PLCB1: variants seen among roughly 807,000 people sequenced by gnomAD.
PLCB1 encodes the protein 1-phosphatidylinositol 4,5-bisphosphate phosphodiesterase beta-1.
In PLCB1, 46 loss-of-function variants were observed where a neutral mutation model predicts 161.8. That is an observed-to-expected ratio of 0.28 (90% CI 0.22 to 0.36). The LOEUF is 0.36. PLCB1 is among the 10% of genes least tolerant of loss of function. PLCB1 has a pLI of 1.00. For synonymous variants in PLCB1, 517 were observed against 503.7 expected (o/e 1.03, Z -0.35); for missense variants, 1,016 against 1,472.5 (o/e 0.69, Z 5.07).
At chr20:8,708,851 G>T in intron 12 of PLCB1, 99 bp downstream of exon 12, 1 of 712,056 alleles carries the variant, frequency 1.4e-6, no homozygotes, top group Non-Finnish European at 2.5e-6. Flanking sequence ...GATTAATGGT[G>T]TTCTTCAATC....
At chr20:8,682,261 G>C (rs144434470) in intron 9 of PLCB1, among the ~76,000 whole-genome samples, 89 of 152,304 alleles carry the variant, frequency 5.8e-4, no homozygotes, top group African/African-American at 2.1e-3. Flanking sequence ...AGGACTTTGG[G>C]AGGCTGTGGT....
chr20:8,836,742 T>C (rs1486201222), intron 31 of PLCB1, among the ~76,000 whole-genome samples: 1 of 152,160 alleles, frequency 6.6e-6, no homozygotes, highest in Non-Finnish European at 1.5e-5. Flanking sequence ...TTGAACATGA[T>C]TGGCAAAGTA....
At chr20:8,138,905 A>ATT (rs1300635149) in intron 1 of PLCB1, among the ~76,000 whole-genome samples, 2 of 152,076 alleles carry the variant, frequency 1.3e-5, no homozygotes, top group Non-Finnish European at 2.9e-5. Context: ...GTTTGCATGT[A>ATT]CCTATTAATT....
chr20:8,773,591 G>C (rs912310112), intron 26 of PLCB1, among the ~76,000 whole-genome samples: 2 of 152,218 alleles, frequency 1.3e-5, no homozygotes, highest in Non-Finnish European at 2.9e-5. Flanking sequence ...TAAGCTTTGT[G>C]TGGAAAGTGC....
intron 9 of PLCB1, among the ~76,000 whole-genome samples, chr20:8,663,833 A>G (rs1221553299): frequency 6.6e-6 from 1 of 152,126 alleles, no homozygotes; most frequent in Non-Finnish European, 1.5e-5. Flanking sequence ...AGGAATATGC[A>G]ATGACCCCTG....
chr20:8,221,833 C>T (rs1337868373), intron 2 of PLCB1, among the ~76,000 whole-genome samples: 2 of 152,060 alleles, frequency 1.3e-5, no homozygotes, highest in East Asian at 3.9e-4. Context: ...ATTCCATAGC[C>T]CTGTACATTT....
At position 8,376,062 on chromosome 20, in the gene PLCB1, A is replaced by T. The variant is rs1388406661; in HGVS notation, c.246+4612A>T. ...TGTGGCTTCTCAAAAGCATTCTAGG[A>T]TTGCTTTTGGACACCACAGGGAGCG... On this transcript the variant is annotated intron_variant, in intron 3 of 31. Transcript: ENST00000338037. Among the ~76,000 whole-genome samples, 5 of 152,032 alleles carry T rather than the reference A, an allele frequency of 3.3e-5. No individual in the cohort carries two copies. The East Asian group carries it at 7.7e-4, about 24-fold the overall frequency.
chr20:8,185,990 C>T (rs1036818829), intron 2 of PLCB1, among the ~76,000 whole-genome samples: 1 of 152,288 alleles, frequency 6.6e-6, no homozygotes, highest in Non-Finnish European at 1.5e-5. Flanking sequence ...TTGTTTTCTA[C>T]CTCAAAACGT....
chr20:8,340,141 T>G (rs1426486408), intron 2 of PLCB1, among the ~76,000 whole-genome samples: 1 of 152,164 alleles, frequency 6.6e-6, no homozygotes, highest in Non-Finnish European at 1.5e-5. Flanking sequence ...TTGATAATTC[T>G]AGTGAAATAC....
At chr20:8,463,200 C>T (rs1231719811) in intron 3 of PLCB1, among the ~76,000 whole-genome samples, 2 of 139,040 alleles carry the variant, frequency 1.4e-5, no homozygotes, top group East Asian at 2.5e-4. Context: ...TGTGTGTGTG[C>T]TCCTGCATGC....
intron 8 of PLCB1, 63 bp from the exon 9 acceptor site, chr20:8,658,475 G>C: frequency 8.0e-7 from 1 of 1,248,624 alleles, no homozygotes; most frequent in Non-Finnish European, 1.1e-6. Context: ...AGAGTTAAAT[G>C]CAAATATTAG....
intron 2 of PLCB1, among the ~76,000 whole-genome samples, chr20:8,255,987 A>G (rs1981389321): frequency 6.6e-6 from 1 of 152,126 alleles, no homozygotes; most frequent in Non-Finnish European, 1.5e-5. Flanking sequence ...AGTTCGATAC[A>G]GTAACATGCT....
chr20:8,857,107 T>G (rs1987093583), intron 31 of PLCB1, among the ~76,000 whole-genome samples: 1 of 152,120 alleles, frequency 6.6e-6, no homozygotes, highest in African/African-American at 2.4e-5. Context: ...CTCCACTTAG[T>G]CTCTAATCTG....
At chr20:8,783,096 T>A (rs1373388283) in intron 27 of PLCB1, among the ~76,000 whole-genome samples, 1 of 151,636 alleles carries the variant, frequency 6.6e-6, no homozygotes, top group Admixed American at 6.6e-5. Context: ...TTTGGAACAT[T>A]GAGCTGGGAG....
chr20:8,682,879 T>A (rs1218836708), intron 9 of PLCB1, among the ~76,000 whole-genome samples: 1 of 152,116 alleles, frequency 6.6e-6, no homozygotes, highest in Non-Finnish European at 1.5e-5. Context: ...AAATTCTATT[T>A]CTGGGAATTC....
At chr20:8,647,608 C>G (rs1022525159) in intron 5 of PLCB1, among the ~76,000 whole-genome samples, 1 of 152,176 alleles carries the variant, frequency 6.6e-6, no homozygotes, top group Non-Finnish European at 1.5e-5. Context: ...AAGCCAAACA[C>G]AAGAGTATGA....
intron 3 of PLCB1, among the ~76,000 whole-genome samples, chr20:8,469,677 T>G (rs1402423787): frequency 2.6e-5 from 4 of 152,170 alleles, no homozygotes; most frequent in African/African-American, 9.7e-5. Flanking sequence ...AAGCTTTCCA[T>G]TTTTTCCAGC....
intron 31 of PLCB1, among the ~76,000 whole-genome samples, chr20:8,800,370 G>A (rs896530458): frequency 6.6e-6 from 1 of 152,126 alleles, no homozygotes; most frequent in Non-Finnish European, 1.5e-5. Flanking sequence ...ATCATTAGTT[G>A]AGGTTAATCT....
chr20:8,695,188 C>T (rs900129298), intron 10 of PLCB1, among the ~76,000 whole-genome samples: 4 of 152,174 alleles, frequency 2.6e-5, no homozygotes, highest in Admixed American at 6.5e-5. Flanking sequence ...ACTTAATCAG[C>T]CTTTCAGTGC....
Sources: allele counts gnomAD v4.1 joint callset (sites outside exome capture counted in the v4.1 genomes callset), GRCh38; gene constraint gnomAD v4.1.1; transcripts MANE v1.5; gene names NCBI Gene and HGNC (gene_info 2026-07-23, HGNC 2026-07-21).